The following STK25 variants were observed in gnomAD, a reference collection of about 807,000 sequenced individuals.
STK25 encodes the protein serine/threonine-protein kinase 25.
A neutral mutation model predicts 53.8 loss-of-function variants in STK25; 29 were observed. The ratio of observed to expected loss-of-function variants is 0.54; its 90% CI spans 0.40 to 0.74. STK25 has a LOEUF of 0.74. Among genes scored for constraint, STK25 ranks in the 30% least tolerant of loss-of-function variants. The probability of loss-of-function intolerance (pLI) is 0.00; values close to 1 mark genes in which losing one functional copy is unlikely to be tolerated. For missense variants in STK25, 420 were observed against 568.0 expected (o/e 0.74, Z 2.65); for synonymous variants, 247 against 238.3 (o/e 1.04, Z -0.33).
Position 241,496,268 on chromosome 2 carries a change from C to T in STK25, c.1241+130G>A. 1 of 1,186,222 alleles carries T rather than the reference C, an allele frequency of 8.4e-7. No individual in the cohort carries two copies. Among genetic ancestry groups the T allele is most frequent in the Non-Finnish European group, 1.2e-6 (1 of 835,738 alleles). 73.5% of individuals were successfully genotyped at this position (1,186,222 alleles called of 1,614,324 possible). On this transcript the variant is annotated intron_variant, in intron 11 of 11. Coordinates refer to ENST00000316586, the MANE Select transcript of STK25 (RefSeq NM_001271977.2). The surrounding 1 kb of genome is among the most constrained non-coding windows in gnomAD (Gnocchi z 5.8). ...CAAGGAAGAGGATGCCACGCCGCGC[C>T]TTCCCAGAGTGAAGCGAGCCCATGT...
Position 241,500,386 on chromosome 2 carries a change from G to A in STK25, c.319-105C>T, listed in dbSNP as rs2065434576. On this transcript the variant is annotated intron_variant, in intron 4 of 11. Coordinates refer to ENST00000316586, the MANE Select transcript of STK25 (RefSeq NM_001271977.2). Reference sequence around the variant, plus strand: ...AAGGGCTGTCCCTGCAGATAGCTGGGGGCTTCGTGTTCCTTTACTTCCCAA... The same window carrying A: ...AAGGGCTGTCCCTGCAGATAGCTGGAGGCTTCGTGTTCCTTTACTTCCCAA... 1.3e-5 allele frequency: 10 copies of A among 773,146 alleles called. No homozygotes were observed. In the East Asian group the frequency reaches 2.3e-4, roughly 18 times the overall value. 47.9% of individuals were successfully genotyped at this position (773,146 alleles called of 1,614,324 possible).
intron 2 of STK25, among the ~76,000 whole-genome samples, chr2:241,507,048 T>C (rs2065872999): frequency 6.6e-6 from 1 of 152,114 alleles, no homozygotes; most frequent in South Asian, 2.1e-4. Flanking sequence ...CCCTTCCTGT[T>C]CCACTGCAGG....
At chr2:241,508,701 C>G (rs1207092911), upstream of STK25, 81 of 985,316 alleles carry the variant, frequency 8.2e-5, no homozygotes, top group Non-Finnish European at 9.8e-5. Context: ...ACTACAAGTC[C>G]CGGCAGGCTG....
chr2:241,497,019 G>A (rs1559827974), intron 10 of STK25, among the ~76,000 whole-genome samples: 1 of 152,208 alleles, frequency 6.6e-6, no homozygotes, highest in Non-Finnish European at 1.5e-5. Flanking sequence ...ACCTGGACCC[G>A]AGTGGCTGCT....
Position 241,494,145 on chromosome 2 carries a change from T to C in STK25, c.*1517A>G, listed in dbSNP as rs772060933. 1 of 1,396,776 alleles carries C rather than the reference T, an allele frequency of 7.2e-7. No individual in the cohort carries two copies. Among genetic ancestry groups the C allele is most frequent in the South Asian group, 1.6e-5 (1 of 64,240 alleles). The allele number at this position is 1,396,776 out of a possible 1,614,324, so 86.5% of individuals were successfully genotyped here. ...GAATGACGCTCAACCTGCCCAGGTT[T>C]GGACACAACTACAAAGAACAGCAGG... On this transcript the variant is annotated 3_prime_UTR_variant, in exon 12 of 12. Coordinates refer to ENST00000316586, the MANE Select transcript of STK25 (RefSeq NM_001271977.2). The surrounding 1 kb of genome is among the most constrained non-coding windows in gnomAD (Gnocchi z 4.9).
rs368270469 is a variant in STK25 at position 241,505,684 on chromosome 2, G to A, written c.30+2322C>T. Reference sequence around the variant, plus strand: ...CTGCTTCACAGCAGGGGAGCACAGCGGACCCCTAAGCCAGAGCCAGGGCTC... The same window carrying A: ...CTGCTTCACAGCAGGGGAGCACAGCAGACCCCTAAGCCAGAGCCAGGGCTC... On this transcript the variant is annotated intron_variant, in intron 2 of 11. Transcript: ENST00000316586. Among the ~76,000 whole-genome samples, 42 of 152,272 alleles carry A rather than the reference G, an allele frequency of 2.8e-4. 1 individual carries two copies. The highest frequency in any genetic ancestry group is 1.0e-3 in the South Asian group (5 of 4,820).
chr2:241,509,555 T>G (rs2066041108), upstream of STK25: 1 of 152,476 alleles, frequency 6.6e-6, no homozygotes, highest in Non-Finnish European at 1.5e-5. Flanking sequence ...TATCCTGACC[T>G]CCTCACATCC....
At chr2:241,508,331 G>C (rs2065983921) in intron 1 of STK25, 112 bp downstream of exon 1, 2 of 1,202,086 alleles carry the variant, frequency 1.7e-6, no homozygotes. Context: ...TTCCAAGGCA[G>C]CTTCCTCCCG....
Position 241,508,461 on chromosome 2 carries a change from CG to C in STK25, c.-120del. The C allele has an allele frequency of 9.3e-7, 1 of 1,069,792 alleles. No individual in the cohort carries two copies. The highest frequency in any genetic ancestry group is 2.5e-5 in the South Asian group (1 of 39,602). The allele number at this position is 1,069,792 out of a possible 1,614,324, so 66.3% of individuals were successfully genotyped here. A position where few individuals can be genotyped will look rare whatever the true frequency, so the allele number is the denominator to read the frequency against. On this transcript the variant is annotated 5_prime_UTR_variant, in exon 1 of 12. Transcript: ENST00000316586. ...CGCCCACCTCCGCGGGGCTCCATCC[CG>C]GCCTCCCCCGGCCCGCTCTGCAGCG...
chr2:241,494,161 G>A lies in STK25; in HGVS notation c.*1501C>T. ...GCCCAGGTTTGGACACAACTACAAA[G>A]AACAGCAGGACACAGAGGTGACCTC... is the stretch of plus-strand genomic sequence containing the variant. On this transcript the variant is annotated 3_prime_UTR_variant, in exon 12 of 12. Coordinates refer to ENST00000316586, the MANE Select transcript of STK25 (RefSeq NM_001271977.2). This position sits in a 1 kb window ranked among gnomAD's most constrained non-coding sequence, Gnocchi z 4.9. 1.5e-6 allele frequency: 2 copies of A among 1,315,598 alleles called. No individual in the cohort carries two copies. The highest frequency in any genetic ancestry group is 2.0e-6 in the Non-Finnish European group (2 of 975,894). 81.5% of individuals were successfully genotyped at this position (1,315,598 alleles called of 1,614,324 possible).
At chr2:241,503,692 G>A (rs1267469308) in intron 2 of STK25, among the ~76,000 whole-genome samples, 1 of 101,820 alleles carries the variant, frequency 9.8e-6, no homozygotes, top group Non-Finnish European at 2.0e-5. Context: ...GCAAGACTCC[G>A]TCTCAAAAAA....
In STK25 at chr2:241,501,436, G is replaced by A; in HGVS notation, c.261+42C>T. 6.3e-7 allele frequency: 1 copy of A among 1,584,384 alleles called. No homozygotes were observed. The highest frequency in any genetic ancestry group is 8.6e-7 in the Non-Finnish European group (1 of 1,157,356). ...GTCCCTCTGACATGGAAGAGAGCCG[G>A]GCACAGCACCAGCAGGGTCCCCGCC... On this transcript the variant is annotated intron_variant, in intron 3 of 11. Coordinates refer to ENST00000316586, the MANE Select transcript of STK25 (RefSeq NM_001271977.2). This position sits in a 1 kb window ranked among gnomAD's most constrained non-coding sequence, Gnocchi z 5.3.
At chr2:241,497,805 C>T in intron 9 of STK25, 118 bp from the exon 10 acceptor site, 2 of 1,061,772 alleles carry the variant, frequency 1.9e-6, no homozygotes, top group Admixed American at 2.0e-5. Context: ...CCTGTCGGGG[C>T]ACATGTCCAG....
rs1020607307 is a variant in STK25, at chr2:241,496,633, C to T, written c.1105-99G>A. ...ACAGTGATGCCGGAGGCCTTCAGGG[C>T]TCTCGCCTAGGAGCCACACCCGGGA... On this transcript the variant is annotated intron_variant, in intron 10 of 11. Coordinates refer to ENST00000316586, the MANE Select transcript of STK25 (RefSeq NM_001271977.2). This position sits in a 1 kb window ranked among gnomAD's most constrained non-coding sequence, Gnocchi z 5.8. 1.4e-6 allele frequency: 2 copies of T among 1,406,016 alleles called. No homozygotes were observed. Among genetic ancestry groups the T allele is most frequent in the African/African-American group, 2.9e-5 (2 of 70,034 alleles). The allele number at this position is 1,406,016 out of a possible 1,614,324, so 87.1% of individuals were successfully genotyped here. A position where few individuals can be genotyped will look rare whatever the true frequency, so the allele number is the denominator to read the frequency against.
At position 241,496,618 on chromosome 2, in the gene STK25, C is replaced by T. The variant is rs939857183; in HGVS notation, c.1105-84G>A. On this transcript the variant is annotated intron_variant, in intron 10 of 11. Transcript: ENST00000316586. This position sits in a 1 kb window ranked among gnomAD's most constrained non-coding sequence, Gnocchi z 5.8. The stretch of plus-strand genomic sequence containing the variant: ...CTCCTTTGCTCGGCCACAGTGATGC[C>T]GGAGGCCTTCAGGGCTCTCGCCTAG... 1.0e-4 allele frequency: 157 copies of T among 1,500,396 alleles called. No individual in the cohort carries two copies. Among genetic ancestry groups the T allele is most frequent in the Non-Finnish European group, 1.3e-4 (141 of 1,108,706 alleles). The allele number at this position is 1,500,396 out of a possible 1,614,324, so 92.9% of individuals were successfully genotyped here.
chr2:241,497,417 T>C lies in STK25; in HGVS notation c.1104+199A>G, dbSNP rs907186123. On this transcript the variant is annotated intron_variant, in intron 10 of 11. Coordinates refer to ENST00000316586, the MANE Select transcript of STK25 (RefSeq NM_001271977.2). ...AGTCACCCTAGGAACCCAGAGAACC[T>C]TGGCAGGTCTGGGAGTACAAAAGGA... 9 of 584,800 alleles carry C rather than the reference T, an allele frequency of 1.5e-5. No homozygotes were observed. The East Asian group carries it at 2.6e-4, about 17-fold the overall frequency. The allele number at this position is 584,800 out of a possible 1,614,324, so 36.2% of individuals were successfully genotyped here.
At chr2:241,500,362 AGG>A in intron 4 of STK25, 81 bp from the exon 5 acceptor site, 1 of 990,560 alleles carries the variant, frequency 1.0e-6, no homozygotes, top group Non-Finnish European at 1.6e-6. Context: ...CTCACAGGGA[AGG>A]GCTGTCCCTG....
At position 241,501,161 on chromosome 2, in the gene STK25, C is replaced by T. The variant is rs2065486200; in HGVS notation, c.261+317G>A. 5.5e-6 allele frequency: 3 copies of T among 548,958 alleles called. No individual in the cohort carries two copies. In the South Asian group the frequency reaches 6.0e-5, roughly 11 times the overall value. The allele number at this position is 548,958 out of a possible 1,614,324, so 34.0% of individuals were successfully genotyped here. ...CAGGATGGCCACAGCGTTCCCTACA[C>T]CCCAGACACTGGCACCACCAGCCAC... On this transcript the variant is annotated intron_variant, in intron 3 of 11. Coordinates refer to ENST00000316586, the MANE Select transcript of STK25 (RefSeq NM_001271977.2). The surrounding 1 kb of genome is among the most constrained non-coding windows in gnomAD (Gnocchi z 5.3).
At chr2:241,503,416 T>C (rs1170161136) in intron 2 of STK25, among the ~76,000 whole-genome samples, 1 of 147,764 alleles carries the variant, frequency 6.8e-6, no homozygotes, top group East Asian at 2.2e-4. Flanking sequence ...TGGCAGAGCA[T>C]AAAAAGGCAA....
Sources: allele counts gnomAD v4.1 joint callset (sites outside exome capture counted in the v4.1 genomes callset), GRCh38; gene constraint gnomAD v4.1.1; non-coding constraint Gnocchi (gnomAD v3.1); transcripts MANE v1.5; gene names NCBI Gene and HGNC (gene_info 2026-07-23, HGNC 2026-07-21).